The following GRM7 variants were observed in gnomAD, a reference collection of about 807,000 sequenced individuals.
GRM7 encodes the protein glutamate metabotropic receptor 7.
GRM7 carries 35 observed loss-of-function variants against 84.5 expected under a neutral mutation model. The observed-to-expected ratio is 0.41, with a 90% CI of 0.32 to 0.55. The LOEUF is 0.55. Ranked by LOEUF, GRM7 falls within the 20% of genes least tolerant of loss-of-function variation. The pLI, the probability that GRM7 is intolerant of heterozygous loss-of-function variation, is 0.19. For synonymous variants in GRM7, 487 were observed against 455.1 expected, an observed-to-expected ratio of 1.07 and a Z score of -0.89; for missense variants, 1,003 against 1,194.6, an observed-to-expected ratio of 0.84 and a Z score of 2.36.
At chr3:7,413,734 A>G (rs1332938535) in intron 4 of GRM7, among the ~76,000 whole-genome samples, 2 of 152,174 alleles carry the variant, frequency 1.3e-5, no homozygotes, top group Non-Finnish European at 2.9e-5. Flanking sequence ...TGGAGCGTCT[A>G]GTAGAGAAAG....
chr3:7,482,123 G>C (rs1699153392), intron 7 of GRM7, among the ~76,000 whole-genome samples: 1 of 152,186 alleles, frequency 6.6e-6, no homozygotes, highest in African/African-American at 2.4e-5. Flanking sequence ...AGGAGGCGGA[G>C]GTTGCAGTGA....
intron 1 of GRM7, among the ~76,000 whole-genome samples, chr3:7,097,036 A>G (rs940944039): frequency 2.6e-5 from 4 of 152,152 alleles, no homozygotes; most frequent in Non-Finnish European, 5.9e-5. Context: ...CTAAATATGA[A>G]ACAGTTGAGG....
intron 7 of GRM7, among the ~76,000 whole-genome samples, chr3:7,515,155 G>A (rs953021038): frequency 6.8e-6 from 1 of 148,098 alleles, no homozygotes; most frequent in African/African-American, 2.5e-5. Flanking sequence ...AAATGCCCAA[G>A]AGATGCCAGT....
chr3:7,275,100 C>A (rs1356312086), intron 2 of GRM7, among the ~76,000 whole-genome samples: 1 of 152,094 alleles, frequency 6.6e-6, no homozygotes, highest in Non-Finnish European at 1.5e-5. Context: ...CAAAGGTATT[C>A]TTCATATCTA....
At chr3:7,586,605 C>T (rs1262396895) in intron 8 of GRM7, among the ~76,000 whole-genome samples, 5 of 152,118 alleles carry the variant, frequency 3.3e-5, no homozygotes, top group South Asian at 2.1e-4. Context: ...GTCAGGAGTT[C>T]GAGACCAGCT....
intron 2 of GRM7, among the ~76,000 whole-genome samples, chr3:7,230,870 T>C (rs1226507407): frequency 6.6e-6 from 1 of 152,180 alleles, no homozygotes; most frequent in Non-Finnish European, 1.5e-5. Flanking sequence ...AAAACCCTTT[T>C]AGTATATTCA....
rs1695042495 is a variant in GRM7, at chr3:7,002,362, C to A, written c.519+140455C>A. Among the ~76,000 whole-genome samples the A allele has an allele frequency of 6.6e-5, 10 of 152,200 alleles. No homozygotes were observed. In the South Asian group the frequency reaches 2.1e-3, roughly 31 times the overall value. ...AGGGCTTCTCTACTAGAACTATGAG[C>A]CTAACAGATTCATTAAAGAATAGCT... On this transcript the variant is annotated intron_variant, in intron 1 of 9. Transcript: ENST00000357716.
chr3:7,409,662 G>A (rs535103854), intron 4 of GRM7, among the ~76,000 whole-genome samples: 1 of 152,142 alleles, frequency 6.6e-6, no homozygotes, highest in East Asian at 1.9e-4. Flanking sequence ...GTACAGTGGC[G>A]GGATCTTGGC....
intron 8 of GRM7, among the ~76,000 whole-genome samples, chr3:7,661,533 G>A (rs1033939207): frequency 2.6e-5 from 4 of 152,044 alleles, no homozygotes; most frequent in African/African-American, 9.7e-5. Context: ...GGTGGCTCAC[G>A]CCTGTAATCC....
chr3:7,574,305 G>T (rs532258755), intron 7 of GRM7, among the ~76,000 whole-genome samples: 7 of 151,888 alleles, frequency 4.6e-5, no homozygotes, highest in Admixed American at 3.9e-4. Context: ...GATTACAGGT[G>T]CCCACCCCCA....
intron 2 of GRM7, among the ~76,000 whole-genome samples, chr3:7,163,720 A>C (rs1380557687): frequency 6.6e-5 from 10 of 152,226 alleles, no homozygotes; most frequent in Non-Finnish European, 1.0e-4. Flanking sequence ...AACTATGTGA[A>C]GAACTGGGAG....
intron 7 of GRM7, among the ~76,000 whole-genome samples, chr3:7,504,999 G>A (rs1225510143): frequency 6.6e-6 from 1 of 152,156 alleles, no homozygotes; most frequent in Non-Finnish European, 1.5e-5. Flanking sequence ...GTGAACTTGT[G>A]AAATCAAAAC....
chr3:7,285,922 T>C (rs1370010831), intron 2 of GRM7, among the ~76,000 whole-genome samples: 3 of 152,284 alleles, frequency 2.0e-5, no homozygotes, highest in South Asian at 2.1e-4. Context: ...TCATGGGGCA[T>C]CATTAGCAGA....
chr3:7,517,712 T>C (rs1053494924), intron 7 of GRM7, among the ~76,000 whole-genome samples: 1 of 152,214 alleles, frequency 6.6e-6, no homozygotes, highest in Non-Finnish European at 1.5e-5. Flanking sequence ...TTTTTGATAC[T>C]AGCTGCTGAT....
intron 7 of GRM7, among the ~76,000 whole-genome samples, chr3:7,481,340 G>T (rs535135725): frequency 6.6e-6 from 1 of 152,040 alleles, no homozygotes; most frequent in Non-Finnish European, 1.5e-5. Flanking sequence ...CTGGGCTCCC[G>T]CCTCGGCCTC....
intron 7 of GRM7, among the ~76,000 whole-genome samples, chr3:7,558,424 A>G (rs1373974087): frequency 1.3e-5 from 2 of 152,128 alleles, no homozygotes; most frequent in African/African-American, 4.8e-5. Flanking sequence ...CCTAGTATTC[A>G]AAAAGGAAAA....
intron 9 of GRM7, among the ~76,000 whole-genome samples, chr3:7,685,422 T>C (rs1257838444): frequency 6.6e-6 from 1 of 152,066 alleles, no homozygotes; most frequent in African/African-American, 2.4e-5. Flanking sequence ...TATAGAGAGT[T>C]TACTCTGGCA....
intron 1 of GRM7, among the ~76,000 whole-genome samples, chr3:6,931,760 T>A (rs762834005): frequency 5.9e-5 from 9 of 152,210 alleles, no homozygotes; most frequent in Non-Finnish European, 8.8e-5. Context: ...CTCAGTGAGC[T>A]CAAGAACCGT....
chr3:7,032,915 C>T (rs371614359), intron 1 of GRM7, among the ~76,000 whole-genome samples: 12 of 152,092 alleles, frequency 7.9e-5, no homozygotes, highest in Non-Finnish European at 1.5e-4. Flanking sequence ...TAACTTACCC[C>T]CTTCTATGGT....
Sources: gnomAD v4.1 joint callset for allele counts (sites outside exome capture counted in the v4.1 genomes callset) on GRCh38, gnomAD v4.1.1 for gene constraint, MANE v1.5 for transcripts, NCBI Gene and HGNC (gene_info 2026-07-23, HGNC 2026-07-21) for gene names.